Variants in PRDM16 observed in about 807,000 individuals in gnomAD.
PRDM16 encodes the protein histone-lysine N-methyltransferase PRDM16.
PRDM16 carries 23 observed loss-of-function variants against 110.6 expected under a neutral mutation model. The ratio of observed to expected loss-of-function variants is 0.21; its 90% confidence interval spans 0.15 to 0.29. The LOEUF (loss-of-function observed/expected upper bound fraction) is 0.29. Among genes scored for constraint, PRDM16 ranks in the 10% least tolerant of loss-of-function variants. The probability of loss-of-function intolerance (pLI) is 1.00; values close to 1 mark genes in which losing one functional copy is unlikely to be tolerated. For missense variants in PRDM16, 1,615 were observed against 1,794.3 expected, an observed-to-expected ratio of 0.90 and a Z score of 1.81; for synonymous variants, 799 against 781.8, an observed-to-expected ratio of 1.02 and a Z score of -0.37.
At chr1:3,236,073 G>GGGC in intron 2 of PRDM16, among the ~76,000 whole-genome samples, 1 of 152,312 alleles carries the variant, frequency 6.6e-6, no homozygotes, top group Middle Eastern at 3.4e-3. Flanking sequence ...CCAGAGAGCA[G>GGGC]GCATCCCTGC....
intron 1 of PRDM16, among the ~76,000 whole-genome samples, chr1:3,107,068 A>T (rs1642675576): frequency 6.6e-6 from 1 of 152,174 alleles, no homozygotes; most frequent in Non-Finnish European, 1.5e-5. Context: ...AGCAGCTCAC[A>T]CCTCATCAGG....
chr1:3,422,133 G>A (rs1367079041), intron 12 of PRDM16, among the ~76,000 whole-genome samples: 1 of 147,478 alleles, frequency 6.8e-6, no homozygotes, highest in African/African-American at 2.5e-5. Context: ...AGACAGGCAG[G>A]CAGACAGGCA....
At chr1:3,187,632 C>T (rs1368810576) in intron 2 of PRDM16, among the ~76,000 whole-genome samples, 1 of 152,178 alleles carries the variant, frequency 6.6e-6, no homozygotes, top group Non-Finnish European at 1.5e-5. Flanking sequence ...ACACCGACGG[C>T]CTGGGGACCA....
chr1:3,103,423 C>T (rs573671268), intron 1 of PRDM16, among the ~76,000 whole-genome samples: 11 of 152,362 alleles, frequency 7.2e-5, no homozygotes, highest in Admixed American at 2.6e-4. Context: ...TCTCGCCAAA[C>T]GCATTCTGAG....
At chr1:3,427,022 A>G (rs1295558585) in intron 14 of PRDM16, among the ~76,000 whole-genome samples, 3 of 152,254 alleles carry the variant, frequency 2.0e-5, no homozygotes, top group African/African-American at 4.8e-5. Context: ...GTACATGCAC[A>G]TGGACAGTGT....
chr1:3,233,955 C>T (rs749242386), intron 2 of PRDM16, among the ~76,000 whole-genome samples: 1 of 151,744 alleles, frequency 6.6e-6, no homozygotes, highest in East Asian at 1.9e-4. Flanking sequence ...TGGCCTCTTG[C>T]GGGTGGGAGT....
At chr1:3,155,603 C>T (rs1569709261) in intron 1 of PRDM16, among the ~76,000 whole-genome samples, 1 of 152,282 alleles carries the variant, frequency 6.6e-6, no homozygotes, top group East Asian at 1.9e-4. Flanking sequence ...GAGGGAGGGC[C>T]GCAGGCTCCC....
intron 3 of PRDM16, among the ~76,000 whole-genome samples, chr1:3,324,248 G>A (rs939865185): frequency 2.6e-5 from 4 of 152,098 alleles, no homozygotes; most frequent in African/African-American, 9.7e-5. Context: ...GGCACTAGGA[G>A]CCCCAAGGAG....
chr1:3,110,357 T>C (rs1013168839), intron 1 of PRDM16, among the ~76,000 whole-genome samples: 1 of 144,914 alleles, frequency 6.9e-6, no homozygotes, highest in Non-Finnish European at 1.5e-5. Flanking sequence ...ATGTCCTGGG[T>C]GTGGGGACAC....
intron 3 of PRDM16, among the ~76,000 whole-genome samples, chr1:3,313,351 G>A (rs780082372): frequency 3.3e-5 from 5 of 152,202 alleles, no homozygotes; most frequent in African/African-American, 4.8e-5. Context: ...CTCCCAGACC[G>A]GAGGGCGGCA....
At chr1:3,293,963 G>A (rs1641033529) in intron 3 of PRDM16, among the ~76,000 whole-genome samples, 1 of 152,162 alleles carries the variant, frequency 6.6e-6, no homozygotes, top group South Asian at 2.1e-4. Context: ...GTGCATCTGT[G>A]AACATATGAC....
At chr1:3,174,690 G>A (rs997859513) in intron 1 of PRDM16, among the ~76,000 whole-genome samples, 1 of 152,118 alleles carries the variant, frequency 6.6e-6, no homozygotes, top group Admixed American at 6.5e-5. Flanking sequence ...CCACCTCTTT[G>A]CTGGGGAAAT....
chr1:3,405,184 G>T (rs1037302712), intron 7 of PRDM16, among the ~76,000 whole-genome samples: 2 of 152,042 alleles, frequency 1.3e-5, no homozygotes, highest in African/African-American at 4.8e-5. Flanking sequence ...GGGCTGAGCC[G>T]AGCCTCCACC....
intron 3 of PRDM16, among the ~76,000 whole-genome samples, chr1:3,287,963 G>A (rs1429998126): frequency 6.6e-6 from 1 of 152,240 alleles, no homozygotes; most frequent in Non-Finnish European, 1.5e-5. Flanking sequence ...GCATTTCACA[G>A]GGAGAGTGTA....
Position 3,426,070 on chromosome 1 carries a change from C to G in PRDM16, c.3129C>G (p.Val1043=). The change falls in exon 14 of 17, where the codon GTC becomes GTG. Residue 1043 remains valine, a synonymous_variant. Coordinates refer to ENST00000270722, the MANE Select transcript of PRDM16 (RefSeq NM_022114.4). ...ENAPVSQHPG[V]LTNHLGTSAS... ...CCGCAGTGAGCCAGCACCCCGGGGT[C>G]CTCACGAACCACCTGGGGACCAGCG... The G allele has an allele frequency of 6.2e-7, 1 of 1,613,564 alleles. No homozygotes were observed. Among genetic ancestry groups the G allele is most frequent in the Non-Finnish European group, 8.5e-7 (1 of 1,179,858 alleles).
At chr1:3,394,640 C>T (rs1469986050) in intron 4 of PRDM16, 3 of 328,444 alleles carry the variant, frequency 9.1e-6, no homozygotes, top group Non-Finnish European at 1.8e-5. Flanking sequence ...GCCAGGCCAC[C>T]TGCCCCACGG....
intron 9 of PRDM16, among the ~76,000 whole-genome samples, chr1:3,413,508 A>G (rs1478337224): frequency 6.6e-6 from 1 of 151,924 alleles, no homozygotes; most frequent in East Asian, 1.9e-4. Context: ...GGTGGGTTGG[A>G]AGAGCAGGGC....
At chr1:3,402,103 C>T (rs533723188) in intron 5 of PRDM16, among the ~76,000 whole-genome samples, 52 of 152,370 alleles carry the variant, frequency 3.4e-4, no homozygotes, top group African/African-American at 1.2e-3. Context: ...CGTGCACTCA[C>T]ACACTGGTGC....
intron 2 of PRDM16, among the ~76,000 whole-genome samples, chr1:3,221,728 TACAC>T (rs1639155216): frequency 6.6e-6 from 1 of 152,116 alleles, no homozygotes; most frequent in Non-Finnish European, 1.5e-5. Context: ...TGCACACACA[TACAC>T]ATGCACAGAC....
Sources: allele counts gnomAD v4.1 joint callset (sites outside exome capture counted in the v4.1 genomes callset), GRCh38; gene constraint gnomAD v4.1.1; transcripts MANE v1.5; gene names NCBI Gene and HGNC (gene_info 2026-07-23, HGNC 2026-07-21).